AGBL3: variants seen among roughly 807,000 people sequenced by gnomAD.
AGBL3 encodes the protein cytosolic carboxypeptidase 3.
A neutral mutation model predicts 94.5 loss-of-function variants in AGBL3; 68 were observed. The observed-to-expected ratio is 0.72, with a 90% CI of 0.59 to 0.88. AGBL3 has a LOEUF of 0.88. Among genes scored for constraint, AGBL3 ranks in the 40% least tolerant of loss-of-function variants. The pLI is 0.00. For synonymous variants in AGBL3, 354 were observed against 370.7 expected (o/e 0.95, Z 0.52); for missense variants, 934 against 1,103.8 (o/e 0.85, Z 2.18).
chr7:134,988,813 T>C (rs1015383952), intron 2 of AGBL3, among the ~76,000 whole-genome samples: 4 of 152,040 alleles, frequency 2.6e-5, no homozygotes, highest in Admixed American at 6.6e-5. Flanking sequence ...TTTTTTTGTA[T>C]TTTTAGTAGA....
chr7:135,058,879 C>G (rs1023895607), intron 11 of AGBL3, among the ~76,000 whole-genome samples: 16 of 152,158 alleles, frequency 1.1e-4, no homozygotes, highest in Non-Finnish European at 2.1e-4. Flanking sequence ...GCCTCAGCCT[C>G]CTGAGTAGCT....
In AGBL3 at chr7:134,991,568, A is replaced by G. The variant is rs540095401; in HGVS notation, c.125-1925A>G. On this transcript the variant is annotated intron_variant, in intron 3 of 16. Transcript: ENST00000436302. Reference sequence around the variant, plus strand: ...ATGCCTGCATGGTTGCCCTTGCCATATCATATCACCTAACCCTTCCTTCTT... The same window carrying G: ...ATGCCTGCATGGTTGCCCTTGCCATGTCATATCACCTAACCCTTCCTTCTT... 5.3e-5 allele frequency among the ~76,000 whole-genome samples: 8 copies of G among 152,232 alleles called. No individual in the cohort carries two copies. In the East Asian group the frequency reaches 9.6e-4, roughly 18 times the overall value.
chr7:135,099,817 A>T (rs190296452), intron 15 of AGBL3: 21 of 151,282 alleles, frequency 1.4e-4, no homozygotes, highest in African/African-American at 4.8e-4. Context: ...CTACCCCAAT[A>T]GATGCTTTAA....
chr7:135,008,155 C>T (rs899832256), intron 4 of AGBL3, among the ~76,000 whole-genome samples: 2 of 151,640 alleles, frequency 1.3e-5, no homozygotes, highest in African/African-American at 4.8e-5. Flanking sequence ...TATATAGAAA[C>T]TCAAGGAACC....
chr7:135,089,387 T>G (rs1190601823), intron 15 of AGBL3, among the ~76,000 whole-genome samples: 1 of 152,220 alleles, frequency 6.6e-6, no homozygotes, highest in Admixed American at 6.5e-5. Flanking sequence ...ATTAGAAAGC[T>G]ATTATGGCTC....
chr7:135,128,530 C>T (rs1828275522), intron 16 of AGBL3: 3 of 764,368 alleles, frequency 3.9e-6, no homozygotes, highest in Middle Eastern at 2.5e-4. Flanking sequence ...AGCAGTCTGT[C>T]CAAGGTGGAG....
rs1389906001 is a variant in AGBL3 at position 135,034,677 on chromosome 7, G to T, written c.1086G>T (p.Arg362Ser). ...RKRKAVILTA[R>S]VHPGETNSSW... is the part of the protein sequence containing the mutation. Reference sequence around the variant, plus strand: ...GGAAGGCTGTGATTCTGACTGCAAGGGTCCATCCAGGGGAAACCAACAGCT... The same window carrying T: ...GGAAGGCTGTGATTCTGACTGCAAGTGTCCATCCAGGGGAAACCAACAGCT... Residue 362 changes from arginine to serine, a missense_variant, in exon 7 of 17, where the codon AGG becomes AGT. Arg to Ser is a moderately radical substitution (Grantham distance 110). This residue lies in a region of AGBL3 where 488 missense variants were observed against 563.6 expected (regional missense o/e 0.87). Coordinates refer to ENST00000436302, the MANE Select transcript of AGBL3 (RefSeq NM_178563.4). The T allele has an allele frequency of 6.4e-7, 1 of 1,551,390 alleles. No individual in the cohort carries two copies. The highest frequency in any genetic ancestry group is 8.7e-7 in the Non-Finnish European group (1 of 1,146,908).
At position 135,084,089 on chromosome 7, in the gene AGBL3, AT is replaced by A. The variant is rs568075545; in HGVS notation, c.2110+2305del. On this transcript the variant is annotated intron_variant, in intron 15 of 16. Transcript: ENST00000436302. ...TTTCAATAATGGTCTATTACTCAAA[AT>A]TTTTTCCTTTATTATTTTTAATTGA... 2.3e-3 allele frequency among the ~76,000 whole-genome samples: 348 copies of A among 152,000 alleles called. 1 individual carries two copies. The highest frequency in any genetic ancestry group is 7.6e-3 in the African/African-American group (316 of 41,414).
At chr7:134,996,995 G>T (rs1440010570) in intron 4 of AGBL3, among the ~76,000 whole-genome samples, 1 of 152,168 alleles carries the variant, frequency 6.6e-6, no homozygotes, top group Admixed American at 6.5e-5. Flanking sequence ...ATTAAAATCA[G>T]CAAAGGTAAA....
At chr7:135,039,928 G>A (rs1162389252) in intron 8 of AGBL3, among the ~76,000 whole-genome samples, 1 of 151,988 alleles carries the variant, frequency 6.6e-6, no homozygotes, top group African/African-American at 2.4e-5. Context: ...TGGTAAAACT[G>A]ACAAAACTTT....
rs1328312820 is a variant in AGBL3, at chr7:134,993,641, C to T, written c.273C>T (p.Tyr91=). Residue 91 remains tyrosine, a synonymous_variant, in exon 4 of 17, where the codon TAC becomes TAT. Coordinates refer to ENST00000436302, the MANE Select transcript of AGBL3 (RefSeq NM_178563.4). The part of the protein sequence containing the change: ...SGPLSPTRWP[Y]HCEVIDEKVQ... ...CATTGAGCCCAACACGGTGGCCATA[C>T]CATTGTGAAGTCATCGATGAAAAAG... 1 of 1,551,952 alleles carries T rather than the reference C, an allele frequency of 6.4e-7. No homozygotes were observed. Among genetic ancestry groups the T allele is most frequent in the South Asian group, 1.2e-5 (1 of 83,980 alleles).
intron 4 of AGBL3, among the ~76,000 whole-genome samples, chr7:135,008,192 A>C (rs887152247): frequency 5.9e-5 from 9 of 152,068 alleles, no homozygotes; most frequent in South Asian, 2.1e-4. Context: ...AAGAAAAAAA[A>C]ACTTAAGAAC....
chr7:135,047,085 A>G (rs1457648621), intron 11 of AGBL3, among the ~76,000 whole-genome samples: 1 of 152,002 alleles, frequency 6.6e-6, no homozygotes, highest in Non-Finnish European at 1.5e-5. Flanking sequence ...CCCTCTAGAA[A>G]CCACCATTTG....
chr7:135,125,828 T>G (rs1827796892), intron 16 of AGBL3, among the ~76,000 whole-genome samples: 1 of 152,194 alleles, frequency 6.6e-6, no homozygotes, highest in Non-Finnish European at 1.5e-5. Context: ...AAAAAGAGTT[T>G]TGATAAAATT....
intron 15 of AGBL3, among the ~76,000 whole-genome samples, chr7:135,106,006 T>A (rs1337519768): frequency 7.2e-5 from 11 of 152,178 alleles, no homozygotes; most frequent in Admixed American, 7.2e-4. Context: ...CTATTATGAA[T>A]GGGATTGTGT....
At chr7:135,103,402 G>T (rs1195489140) in intron 15 of AGBL3, among the ~76,000 whole-genome samples, 1 of 152,094 alleles carries the variant, frequency 6.6e-6, no homozygotes, top group Non-Finnish European at 1.5e-5. Flanking sequence ...TCAATAATCT[G>T]TTCTTGAATC....
chr7:135,093,706 A>G (rs1201179408), intron 15 of AGBL3: 1 of 152,216 alleles, frequency 6.6e-6, no homozygotes, highest in Non-Finnish European at 1.5e-5. Context: ...ATTCAGTGCA[A>G]TCCCTATCAA....
intron 4 of AGBL3, 115 bp downstream of exon 4, chr7:134,993,793 C>A (rs1810616613): frequency 1.2e-6 from 1 of 842,510 alleles, no homozygotes; most frequent in Non-Finnish European, 1.7e-6. Context: ...AGAAATATAA[C>A]ATGAGCCACA....
At chr7:135,017,707 T>TA (rs11404906) in intron 5 of AGBL3, among the ~76,000 whole-genome samples, 141,688 of 152,226 alleles carry the variant, frequency 0.93, 66,721 homozygotes, top group Non-Finnish European at 1. Context: ...TTTAATGTCT[T>TA]AGAGTGTTTT....
Sources: gnomAD v4.1 joint callset for allele counts (sites outside exome capture counted in the v4.1 genomes callset) on GRCh38, gnomAD v4.1.1 for gene constraint, gnomAD v4.1.1 regional missense constraint, MANE v1.5 for transcripts, NCBI Gene and HGNC (gene_info 2026-07-23, HGNC 2026-07-21) for gene names.